The following ABCG8 variants were observed in gnomAD, a reference collection of about 807,000 sequenced individuals.
The protein encoded by ABCG8 is ATP binding cassette subfamily G member 8, also known as ATP-binding cassette sub-family G member 8.
In ABCG8, 81 loss-of-function variants were observed where a neutral mutation model predicts 71.3. That is an observed-to-expected ratio of 1.14 (90% CI 0.95 to 1.37). The LOEUF is 1.37. Ranked by LOEUF, ABCG8 falls within the 40% of genes most tolerant of loss-of-function variation. The pLI is 0.00. For synonymous variants in ABCG8, 451 were observed against 354.7 expected (o/e 1.27, Z -3.05); for missense variants, 1,119 against 866.2 (o/e 1.29, Z -3.66).
chr2:43,874,325 T>C, intron 9 of ABCG8, 82 bp from the exon 10 acceptor site: 1 of 1,174,436 alleles, frequency 8.5e-7, no homozygotes, highest in South Asian at 1.2e-5. Flanking sequence ...TACTTTGAAT[T>C]GTATTAAGAG....
At chr2:43,841,253 T>A (rs947270106) in intron 1 of ABCG8, among the ~76,000 whole-genome samples, 1 of 152,224 alleles carries the variant, frequency 6.6e-6, no homozygotes, top group Non-Finnish European at 1.5e-5. Context: ...TGCCTAGGCA[T>A]CTGACTCAGG....
rs371297771 is a variant in ABCG8, at chr2:43,851,580, G to T, written c.323-4G>T. On this transcript the variant is annotated splice_polypyrimidine_tract_variant and splice_region_variant and intron_variant, in intron 3 of 12. Coordinates refer to ENST00000272286, the MANE Select transcript of ABCG8 (RefSeq NM_022437.3). The stretch of plus-strand genomic sequence containing the variant: ...TCTCAGGGATATCCCTGGTGGCTTT[G>T]CAGGTTGTGGGAGAGCCTCCTTGCT... 8 of 1,614,112 alleles carry T rather than the reference G, an allele frequency of 5.0e-6. No homozygotes were observed. Among genetic ancestry groups the T allele is most frequent in the African/African-American group, 1.3e-5 (1 of 74,946 alleles).
chr2:43,878,012 A>T lies in ABCG8; in HGVS notation c.*99A>T. On this transcript the variant is annotated 3_prime_UTR_variant, in exon 13 of 13. Transcript: ENST00000272286. ...CTTCCTGGGGACAGTGAGGACAATG[A>T]CCCTACAGATGCTCAGCTACATCCG... The T allele has an allele frequency of 6.4e-7, 1 of 1,553,958 alleles. No individual in the cohort carries two copies. Among genetic ancestry groups the T allele is most frequent in the Non-Finnish European group, 8.8e-7 (1 of 1,136,842 alleles).
rs117212996 is a variant in ABCG8 at position 43,841,220 on chromosome 2, A to C, written c.63+2104A>C. 2.7e-4 allele frequency among the ~76,000 whole-genome samples: 41 copies of C among 152,298 alleles called. No homozygotes were observed. In the East Asian group the frequency reaches 7.9e-3, roughly 29 times the overall value. On this transcript the variant is annotated intron_variant, in intron 1 of 12. Coordinates refer to ENST00000272286, the MANE Select transcript of ABCG8 (RefSeq NM_022437.3). ...GGCTCCTCATCTCAGAACTAGAAAC[A>C]TGTGCTCTGTGAGTTTCCTTCTTGC... is the stretch of plus-strand genomic sequence containing the variant.
chr2:43,876,333 G>C (rs1371000266), intron 11 of ABCG8, among the ~76,000 whole-genome samples: 2 of 152,234 alleles, frequency 1.3e-5, no homozygotes, highest in Non-Finnish European at 2.9e-5. Context: ...ACTTGGGCCA[G>C]AGCCACCATG....
At chr2:43,863,625 T>G (rs1020307618) in intron 6 of ABCG8, among the ~76,000 whole-genome samples, 2 of 151,318 alleles carry the variant, frequency 1.3e-5, no homozygotes, top group African/African-American at 4.9e-5. Flanking sequence ...AGGATAAAAT[T>G]CTCACCATCT....
intron 6 of ABCG8, among the ~76,000 whole-genome samples, chr2:43,854,606 G>A (rs532335211): frequency 2.3e-5 from 3 of 129,998 alleles, no homozygotes; most frequent in African/African-American, 5.9e-5. Flanking sequence ...CAGTCTGGGC[G>A]ATAGAGTGAG....
At chr2:43,845,445 A>G (rs933071686) in intron 2 of ABCG8, among the ~76,000 whole-genome samples, 3 of 152,140 alleles carry the variant, frequency 2.0e-5, no homozygotes, top group Admixed American at 6.5e-5. Context: ...GAGCATATCT[A>G]TGTTATAGAT....
Position 43,875,419 on chromosome 2 carries a change from G to A in ABCG8, c.1756+6G>A, listed in dbSNP as rs375563605. ...CTTGAGCAGCCTGTGGACAGGTAAG[G>A]CCTGCCCCCGGGGCCTGGGCCAGCT... On this transcript the variant is annotated splice_donor_region_variant and intron_variant, in intron 11 of 12. Coordinates refer to ENST00000272286, the MANE Select transcript of ABCG8 (RefSeq NM_022437.3). The A allele has an allele frequency of 3.2e-5, 52 of 1,611,530 alleles. No homozygotes were observed. In the Admixed American group the frequency reaches 6.8e-4, roughly 21 times the overall value.
intron 1 of ABCG8, among the ~76,000 whole-genome samples, chr2:43,842,921 T>G (rs775432544): frequency 3.9e-5 from 6 of 151,962 alleles, no homozygotes; most frequent in Admixed American, 6.6e-5. Flanking sequence ...GTCACCGAAT[T>G]TCTTTCCCTC....
chr2:43,848,647 C>T (rs761757314), intron 3 of ABCG8: 1 of 152,144 alleles, frequency 6.6e-6, no homozygotes, highest in Non-Finnish European at 1.5e-5. Flanking sequence ...CTTCCTGTGA[C>T]TTTTACTGCC....
intron 6 of ABCG8, among the ~76,000 whole-genome samples, chr2:43,853,689 C>G (rs915184533): frequency 1.3e-5 from 2 of 152,214 alleles, no homozygotes; most frequent in African/African-American, 4.8e-5. Context: ...TCCTGTTTGA[C>G]TCTCAAGCCC....
intron 6 of ABCG8, among the ~76,000 whole-genome samples, chr2:43,855,920 C>A (rs754531126): frequency 6.6e-6 from 1 of 151,736 alleles, no homozygotes; most frequent in Non-Finnish European, 1.5e-5. Context: ...GTGTATTGAT[C>A]TCTCACTCTC....
chr2:43,862,692 A>G (rs1669369776), intron 6 of ABCG8, among the ~76,000 whole-genome samples: 1 of 151,124 alleles, frequency 6.6e-6, no homozygotes, highest in Non-Finnish European at 1.5e-5. Context: ...TCTGGATAGA[A>G]CTCTCACTAT....
chr2:43,846,161 C>T lies in ABCG8; in HGVS notation c.172C>T (p.Leu58=). The stretch of plus-strand genomic sequence containing the variant: ...TTCTGATATCTCCCCACAGGTGGAC[C>T]TGGCCTCTCAGGTCCCTTGGTTTGA... ...EVRDLNYQVD[L]ASQVPWFEQL... Residue 58 remains leucine, a synonymous_variant, in exon 3 of 13, where the codon CTG becomes TTG. Coordinates refer to ENST00000272286, the MANE Select transcript of ABCG8 (RefSeq NM_022437.3). The T allele has an allele frequency of 8.1e-6, 13 of 1,613,322 alleles. No individual in the cohort carries two copies. Among genetic ancestry groups the T allele is most frequent in the Non-Finnish European group, 1.1e-5 (13 of 1,180,006 alleles).
At position 43,839,021 on chromosome 2, in the gene ABCG8, G is replaced by A. The variant is rs949812412; in HGVS notation, c.-33G>A. 6.7e-5 allele frequency: 104 copies of A among 1,549,172 alleles called. No homozygotes were observed. The highest frequency in any genetic ancestry group is 9.0e-5 in the Non-Finnish European group (103 of 1,145,690). ...GCAGGCAGCAGCTGGGTCTAAGAGAGCTGCAGCCCAGGGTCACAGACCTGT... is the reference window on the plus strand; with the variant it reads ...GCAGGCAGCAGCTGGGTCTAAGAGAACTGCAGCCCAGGGTCACAGACCTGT... On this transcript the variant is annotated 5_prime_UTR_variant, in exon 1 of 13. Coordinates refer to ENST00000272286, the MANE Select transcript of ABCG8 (RefSeq NM_022437.3).
intron 8 of ABCG8, among the ~76,000 whole-genome samples, 183 bp from the exon 9 acceptor site, chr2:43,873,604 T>C (rs1209291265): frequency 6.6e-6 from 1 of 152,218 alleles, no homozygotes; most frequent in East Asian, 1.9e-4. Context: ...ATTGAGTACC[T>C]ACTGTGGGAC....
intron 10 of ABCG8, 73 bp downstream of exon 10, chr2:43,874,556 A>G (rs1669896438): frequency 4.6e-6 from 6 of 1,293,470 alleles, no homozygotes; most frequent in Non-Finnish European, 6.8e-6. Context: ...AAACGTTGCT[A>G]CAAGGAAGGC....
Position 43,857,585 on chromosome 2 carries a change from C to T in ABCG8, c.964+4717C>T, listed in dbSNP as rs981983479. Among the ~76,000 whole-genome samples the T allele has an allele frequency of 1.1e-4, 16 of 151,072 alleles. No homozygotes were observed. The East Asian group carries it at 1.4e-3, about 13-fold the overall frequency. ...TATCTGGATAGAATTCTCACTCTCT[C>T]GATAGAACTCTTGCTATCTGTCTGG... On this transcript the variant is annotated intron_variant, in intron 6 of 12. Coordinates refer to ENST00000272286, the MANE Select transcript of ABCG8 (RefSeq NM_022437.3).
Sources: allele counts gnomAD v4.1 joint callset (sites outside exome capture counted in the v4.1 genomes callset), GRCh38; gene constraint gnomAD v4.1.1; transcripts MANE v1.5; gene names NCBI Gene and HGNC (gene_info 2026-07-23, HGNC 2026-07-21).